AP3B1: variants seen among roughly 807,000 people sequenced by gnomAD.
AP3B1 encodes the protein AP-3 complex subunit beta-1.
Under a neutral mutation model 132.5 loss-of-function variants are expected in AP3B1, and 61 were observed. That is an observed-to-expected ratio of 0.46 (90% CI 0.37 to 0.57). The LOEUF (loss-of-function observed/expected upper bound fraction) is 0.57, where lower values mean the gene tolerates loss of function less well. Among genes scored for constraint, AP3B1 ranks in the 20% least tolerant of loss-of-function variants. The probability of loss-of-function intolerance (pLI) is 0.00; values close to 1 mark genes in which losing one functional copy is unlikely to be tolerated. For synonymous variants in AP3B1, 388 were observed against 438.3 expected (o/e 0.89, Z 1.43); for missense variants, 1,120 against 1,289.4 (o/e 0.87, Z 2.01).
chr5:78,190,971 C>A (rs1201118185), intron 7 of AP3B1, among the ~76,000 whole-genome samples: 2 of 152,178 alleles, frequency 1.3e-5, no homozygotes, highest in East Asian at 3.8e-4. Flanking sequence ...GGCTCTTACA[C>A]AACTGCTTCA....
intron 11 of AP3B1, among the ~76,000 whole-genome samples, chr5:78,175,112 AG>A (rs1218492541): frequency 3.9e-5 from 6 of 152,244 alleles, no homozygotes; most frequent in Non-Finnish European, 7.3e-5. Context: ...CCGTTTTTCC[AG>A]GTACAGTCTG....
At position 78,113,625 on chromosome 5, in the gene AP3B1, A is replaced by G. The variant is rs1751689550; in HGVS notation, c.2249+127T>C. Reference sequence around the variant, plus strand: ...CAACTAGCACTTTAATTTTAAAAAGATTTAATATCTGGAAAAAAATACACA... The same window carrying G: ...CAACTAGCACTTTAATTTTAAAAAGGTTTAATATCTGGAAAAAAATACACA... On this transcript the variant is annotated intron_variant, in intron 19 of 26. Transcript: ENST00000255194. The G allele has an allele frequency of 1.1e-5, 12 of 1,060,140 alleles. No individual in the cohort carries two copies. In the South Asian group the frequency reaches 1.7e-4, roughly 15 times the overall value. 65.7% of individuals were successfully genotyped at this position (1,060,140 alleles called of 1,614,324 possible).
chr5:78,087,626 C>A (rs542317856), intron 22 of AP3B1: 4 of 985,290 alleles, frequency 4.1e-6, no homozygotes, highest in South Asian at 9.4e-5. Context: ...TGTCAACTGG[C>A]GGTCATTTTT....
At chr5:78,073,725 T>C (rs1749646138) in intron 22 of AP3B1, among the ~76,000 whole-genome samples, 1 of 152,182 alleles carries the variant, frequency 6.6e-6, no homozygotes, top group Non-Finnish European at 1.5e-5. Flanking sequence ...TACTGTGGTA[T>C]ATTTAATAAT....
At chr5:78,286,744 C>T (rs767388683) in intron 1 of AP3B1, among the ~76,000 whole-genome samples, 44 of 152,176 alleles carry the variant, frequency 2.9e-4, no homozygotes, top group Non-Finnish European at 5.7e-4. Context: ...TCTAATTAGG[C>T]TGGTTCCTAT....
intron 1 of AP3B1, among the ~76,000 whole-genome samples, chr5:78,281,024 C>T (rs755988341): frequency 1.3e-5 from 2 of 152,104 alleles, no homozygotes; most frequent in South Asian, 2.1e-4. Context: ...CTGATGAAGG[C>T]TATGTAGAAC....
intron 1 of AP3B1, among the ~76,000 whole-genome samples, chr5:78,288,207 C>T (rs1469928562): frequency 6.6e-6 from 1 of 152,218 alleles, no homozygotes; most frequent in Non-Finnish European, 1.5e-5. Flanking sequence ...AGGTATGCCA[C>T]ACTGAAAAGT....
At position 78,261,559 on chromosome 5, in the gene AP3B1, G is replaced by T. The variant is rs570400665; in HGVS notation, c.204+5961C>A. Reference sequence around the variant, plus strand: ...CGGCTCACTGCAATCTCTGCCTTTCGGGTTCAAGCAATTCTCCTTCCTCAG... The same window carrying T: ...CGGCTCACTGCAATCTCTGCCTTTCTGGTTCAAGCAATTCTCCTTCCTCAG... On this transcript the variant is annotated intron_variant, in intron 2 of 26. Transcript: ENST00000255194. Among the ~76,000 whole-genome samples, 154 of 152,278 alleles carry T rather than the reference G, an allele frequency of 1.0e-3. 1 individual carries two copies. Among genetic ancestry groups the T allele is most frequent in the South Asian group, 7.0e-3 (34 of 4,824 alleles).
chr5:78,141,153 T>C lies in AP3B1; in HGVS notation c.1640A>G (p.Asn547Ser), dbSNP rs1309728438. 1 of 1,613,498 alleles carries C rather than the reference T, an allele frequency of 6.2e-7. No homozygotes were observed. Among genetic ancestry groups the C allele is most frequent in the African/African-American group, 1.3e-5 (1 of 74,982 alleles). Residue 547 changes from asparagine to serine, a missense_variant, in exon 15 of 27, where the codon AAC (asparagine) becomes AGC (serine). By Grantham distance (46) the Asn-to-Ser change is conservative. This residue lies in a region of AP3B1 where 906 missense variants were observed against 997.1 expected (regional missense o/e 0.91). Transcript: ENST00000255194. ...LNLGAKLYLT[N>S]SKQTKLLTQY... is the part of the protein sequence containing the mutation. ...ACATTTGCCTCTCACCTGTTTGGAG[T>C]TGGTTAAATACAATTTTGCTCCCAG...
rs35131049 is a variant in AP3B1 at position 78,276,880 on chromosome 5, AAAG to A, written c.129-9288_129-9286del. Among the ~76,000 whole-genome samples the A allele has an allele frequency of 2.7e-4, 41 of 150,400 alleles. 1 individual carries two copies. In the South Asian group the frequency reaches 3.1e-3, roughly 12 times the overall value. The stretch of plus-strand genomic sequence containing the variant: ...CAAGACCCTGTCCCTAAAAAAAAAA[AAAG>A]AAGAAGAAGCAAATTTATATTTCTA... On this transcript the variant is annotated intron_variant, in intron 1 of 26. Coordinates refer to ENST00000255194, the MANE Select transcript of AP3B1 (RefSeq NM_003664.5).
intron 22 of AP3B1, among the ~76,000 whole-genome samples, chr5:78,086,204 A>C (rs997428934): frequency 1.3e-5 from 2 of 152,160 alleles, no homozygotes; most frequent in Non-Finnish European, 2.9e-5. Context: ...ATCCATAGTA[A>C]TTTTCATGTT....
intron 14 of AP3B1, among the ~76,000 whole-genome samples, chr5:78,144,624 TG>T (rs1753306063): frequency 6.6e-6 from 1 of 152,196 alleles, no homozygotes; most frequent in Non-Finnish European, 1.5e-5. Context: ...TGAATTACAA[TG>T]GGGTGCCAGA....
chr5:78,006,540 C>T (rs553945600), intron 26 of AP3B1, among the ~76,000 whole-genome samples: 12 of 152,180 alleles, frequency 7.9e-5, no homozygotes, highest in Non-Finnish European at 1.8e-4. Context: ...ATATCCCCTA[C>T]TCTCCTCTCC....
At chr5:78,069,502 T>C (rs144952663) in intron 22 of AP3B1, among the ~76,000 whole-genome samples, 4,092 of 152,238 alleles carry the variant, frequency 0.027, 168 homozygotes, top group East Asian at 0.14. Context: ...CCATTCACAA[T>C]TGCTACAAAG....
intron 17 of AP3B1, chr5:78,121,963 C>T (rs1294527392): frequency 1.3e-5 from 2 of 152,262 alleles, no homozygotes; most frequent in Non-Finnish European, 2.9e-5. Context: ...TACTGGCAAA[C>T]CGAATCCAGC....
intron 1 of AP3B1, among the ~76,000 whole-genome samples, chr5:78,273,014 TACATATACAC>T (rs1748613320): frequency 6.6e-6 from 1 of 152,162 alleles, no homozygotes; most frequent in Non-Finnish European, 1.5e-5. Flanking sequence ...CTGAAATACA[TACATATACAC>T]ACATATATGT....
At chr5:78,089,597 C>A in intron 21 of AP3B1, 98 bp from the exon 22 acceptor site, 3 of 793,238 alleles carry the variant, frequency 3.8e-6, no homozygotes, top group Non-Finnish European at 6.6e-6. Context: ...AATTAAATTA[C>A]TTTGATTAAT....
intron 7 of AP3B1, among the ~76,000 whole-genome samples, chr5:78,208,489 A>G (rs1745603552): frequency 6.6e-6 from 1 of 152,214 alleles, no homozygotes; most frequent in Non-Finnish European, 1.5e-5. Flanking sequence ...ATCATGAGAA[A>G]GGGCAAAGGG....
intron 22 of AP3B1, among the ~76,000 whole-genome samples, chr5:78,065,571 G>A (rs184565478): frequency 9.7e-4 from 148 of 152,310 alleles, no homozygotes; most frequent in Non-Finnish European, 1.4e-3. Context: ...CTTCTTTAGA[G>A]TGAACATGGA....
Sources: allele counts gnomAD v4.1 joint callset (sites outside exome capture counted in the v4.1 genomes callset), GRCh38; gene constraint gnomAD v4.1.1; regional missense constraint gnomAD v4.1.1; transcripts MANE v1.5; gene names NCBI Gene and HGNC (gene_info 2026-07-23, HGNC 2026-07-21).